The following EBNA1BP2 variants were observed in gnomAD, a reference collection of about 807,000 sequenced individuals.
EBNA1BP2 encodes the protein EBNA1 binding protein 2, also known as probable rRNA-processing protein EBP2.
In EBNA1BP2, 36 loss-of-function variants were observed where a neutral mutation model predicts 43.5. That is an observed-to-expected ratio of 0.83 (90% CI 0.63 to 1.09). EBNA1BP2 has a LOEUF of 1.09. EBNA1BP2 is among the 50% of genes least tolerant of loss of function. The pLI, the probability that EBNA1BP2 is intolerant of heterozygous loss-of-function variation, is 0.00. For synonymous variants in EBNA1BP2, 127 were observed against 141.3 expected, an observed-to-expected ratio of 0.90 and a Z score of 0.72; for missense variants, 332 against 379.1, an observed-to-expected ratio of 0.88 and a Z score of 1.03.
upstream of EBNA1BP2, chr1:43,172,306 C>G (rs1557713548): frequency 1.3e-6 from 2 of 1,551,848 alleles, no homozygotes; most frequent in Non-Finnish European, 1.7e-6. Flanking sequence ...TTGATTGGGA[C>G]TTCCGCTTCC....
At chr1:43,171,103 G>A (rs2124172461) in intron 3 of EBNA1BP2, 2 of 564,976 alleles carry the variant, frequency 3.5e-6, no homozygotes, top group Non-Finnish European at 5.5e-6. Flanking sequence ...AATAGTTTAA[G>A]AGAATGACTA....
intron 4 of EBNA1BP2, among the ~76,000 whole-genome samples, chr1:43,169,332 T>C (rs1413603480): frequency 1.3e-5 from 2 of 152,228 alleles, no homozygotes; most frequent in Non-Finnish European, 2.9e-5. Context: ...GTCAGTAGAC[T>C]GAGGCTGGAA....
In EBNA1BP2 at chr1:43,167,178, T is replaced by C. The variant is rs1644924906; in HGVS notation, c.595A>G (p.Ile199Val). The C allele has an allele frequency of 3.1e-6, 5 of 1,614,174 alleles. No homozygotes were observed. The East Asian group carries it at 1.1e-4, about 36-fold the overall frequency. The change falls in exon 6 of 9, where the codon ATT becomes GTT. Residue 199 changes from isoleucine (I) to valine (V), a missense_variant. Transcript: ENST00000236051. ...QQEKAHMMNA[I>V]KKYQKGFSDK... is the part of the protein sequence containing the mutation. ...TACCAACCTTTCTGATATTTCTTAATAGCATTCATCATATGGGCTTTCTCC... is the reference window on the plus strand; with the variant it reads ...TACCAACCTTTCTGATATTTCTTAACAGCATTCATCATATGGGCTTTCTCC...
At chr1:43,169,163 A>C in intron 4 of EBNA1BP2, 135 bp from the exon 5 acceptor site, 1 of 910,818 alleles carries the variant, frequency 1.1e-6, no homozygotes, top group Non-Finnish European at 1.7e-6. Flanking sequence ...CCAACCCCTG[A>C]GGACAATGGG....
intron 5 of EBNA1BP2, 79 bp from the exon 6 acceptor site, chr1:43,167,314 A>AGAGGG: frequency 7.4e-7 from 1 of 1,346,210 alleles, no homozygotes; most frequent in East Asian, 2.3e-5. Flanking sequence ...TAGCAACACC[A>AGAGGG]TGATTAATAC....
Position 43,169,940 on chromosome 1 carries a change from G to A in EBNA1BP2, c.447+816C>T, listed in dbSNP as rs1026825558. On this transcript the variant is annotated intron_variant, in intron 4 of 8. Transcript: ENST00000236051. ...AGGATCTAGGTTGCCTGCTCCTTATGAGAATCTAATGCCTGATGATCTGAG... is the reference window on the plus strand; with the variant it reads ...AGGATCTAGGTTGCCTGCTCCTTATAAGAATCTAATGCCTGATGATCTGAG... Among the ~76,000 whole-genome samples the A allele has an allele frequency of 6.2e-5, 9 of 144,102 alleles. No homozygotes were observed. The East Asian group carries it at 1.7e-3, about 28-fold the overall frequency. 94.5% of individuals were successfully genotyped at this position (144,102 alleles called of 152,430 possible).
chr1:43,166,735 G>T, intron 7 of EBNA1BP2, 91 bp downstream of exon 7: 1 of 1,303,248 alleles, frequency 7.7e-7, no homozygotes, highest in Non-Finnish European at 1.1e-6. Flanking sequence ...CTATGGCTGC[G>T]CCGGTGGAGG....
rs202089047 is a variant in EBNA1BP2 at position 43,170,790 on chromosome 1, G to A, written c.413C>T (p.Ala138Val). 3.3e-5 allele frequency: 53 copies of A among 1,606,294 alleles called. No homozygotes were observed. Among genetic ancestry groups the A allele is most frequent in the South Asian group, 1.7e-4 (15 of 89,486 alleles). ...VPTKRPTDYFAEMAKSDLQMQ... is the reference protein window; with the variant it reads ...VPTKRPTDYFVEMAKSDLQMQ... ...CTGCAGATCAGATTTGGCCATTTCC[G>A]CAAAATAATCAGTGGGTCGCTTCGT... Residue 138 changes from alanine (A) to valine (V), a missense_variant, in exon 4 of 9, where the codon GCG becomes GTG. Around this residue, in one of 3 missense-constraint regions of EBNA1BP2, gnomAD observed 91 missense variants for 152.1 expected, o/e 0.60. Transcript: ENST00000236051.
At position 43,171,562 on chromosome 1, in the gene EBNA1BP2, G is replaced by C. The variant is rs769434283; in HGVS notation, c.240C>G (p.Ile80Met). The change falls in exon 3 of 9, where the codon ATC becomes ATG. Residue 80 changes from isoleucine to methionine, a missense_variant. By Grantham distance (10) the Ile-to-Met change is conservative. This residue lies in a region of EBNA1BP2 where 182 missense variants were observed against 173.7 expected (regional missense o/e 1.05). Coordinates refer to ENST00000236051, the MANE Select transcript of EBNA1BP2 (RefSeq NM_006824.3). ...GAGGTGCTGGCGCCTCAGATCCACC[G>C]ATCTCCGGTACCGGACCCAGTGTCA... ...LDVTLGPVPE[I>M]GGSEAPAPQN... is the part of the protein sequence containing the mutation. The C allele has an allele frequency of 1.9e-6, 3 of 1,614,066 alleles. No individual in the cohort carries two copies. The highest frequency in any genetic ancestry group is 2.5e-6 in the Non-Finnish European group (3 of 1,180,018).
At position 43,164,815 on chromosome 1, in the gene EBNA1BP2, A is replaced by G; in HGVS notation, c.708-10T>C. Reference sequence around the variant, plus strand: ...TCGTTTAGCACTGGGCCTGGAAAAGAATGGTCCTAGACATCACTACAGCAC... The same window carrying G: ...TCGTTTAGCACTGGGCCTGGAAAAGGATGGTCCTAGACATCACTACAGCAC... On this transcript the variant is annotated splice_polypyrimidine_tract_variant and intron_variant, in intron 7 of 8. Transcript: ENST00000236051. 2 of 1,614,076 alleles carry G rather than the reference A, an allele frequency of 1.2e-6. No homozygotes were observed. Among genetic ancestry groups the G allele is most frequent in the Non-Finnish European group, 1.7e-6 (2 of 1,179,942 alleles).
rs1644903024 is a variant in EBNA1BP2, at chr1:43,164,280, AGTCTAGACTATTTAACCAAAG to A, written c.*142_*162del. Reference sequence around the variant, plus strand: ...ATGGAAAGTAACTTCTCAATCTTTTAGTCTAGACTATTTAACCAAAGGTATGTGTTCCTTTAATAATTTTTC... The same window carrying A: ...ATGGAAAGTAACTTCTCAATCTTTTAGTATGTGTTCCTTTAATAATTTTTC... On this transcript the variant is annotated 3_prime_UTR_variant, in exon 9 of 9. Transcript: ENST00000236051. The A allele has an allele frequency of 9.6e-6, 7 of 728,094 alleles. No homozygotes were observed. The South Asian group carries it at 1.4e-4, about 14-fold the overall frequency. 45.1% of individuals were successfully genotyped at this position (728,094 alleles called of 1,614,324 possible). A position where few individuals can be genotyped will look rare whatever the true frequency, so the allele number is the denominator to read the frequency against.
Position 43,171,890 on chromosome 1 carries a change from T to C in EBNA1BP2, c.146A>G (p.Asp49Gly). 1 of 1,613,950 alleles carries C rather than the reference T, an allele frequency of 6.2e-7. No homozygotes were observed. The highest frequency in any genetic ancestry group is 1.1e-5 in the South Asian group (1 of 91,070). ...VLEGPKKAVN[D>G]VNGLKQCLAE... ...CGACCCTGTGCCCACGCTCACCACG[T>C]CGTTCACGGCCTTCTTCGGCCCCTC... Residue 49 changes from aspartate to glycine, a missense_variant, in exon 2 of 9, where the codon GAC becomes GGC. By Grantham distance (94) the Asp-to-Gly change is moderately conservative. This residue lies in a region of EBNA1BP2 where 182 missense variants were observed against 173.7 expected (regional missense o/e 1.05). Transcript: ENST00000236051.
At chr1:43,171,276 C>T (rs1644965283) in intron 3 of EBNA1BP2, 2 of 614,788 alleles carry the variant, frequency 3.3e-6, no homozygotes, top group Non-Finnish European at 2.5e-6. Context: ...TTCAAATTAG[C>T]CCATAAAGTG....
chr1:43,169,510 T>G (rs1377534307), intron 4 of EBNA1BP2, among the ~76,000 whole-genome samples: 1 of 152,206 alleles, frequency 6.6e-6, no homozygotes, highest in East Asian at 1.9e-4. Context: ...GGTGAACTAC[T>G]ACCACGACAA....
Position 43,171,651 on chromosome 1 carries a change from T to A in EBNA1BP2, c.151A>T (p.Asn51Tyr), listed in dbSNP as rs369261945. The change falls in exon 3 of 9, where the codon AAT becomes TAT. Residue 51 changes from asparagine (N) to tyrosine (Y), a missense_variant and splice_region_variant. Coordinates refer to ENST00000236051, the MANE Select transcript of EBNA1BP2 (RefSeq NM_006824.3). ...TCTGCCAAACATTGCTTCAGGCCAT[T>A]CTAGGAAATCCAGACACTGAGCTCA... The part of the protein sequence containing the change: ...EGPKKAVNDV[N>Y]GLKQCLAEFK... The A allele has an allele frequency of 6.2e-7, 1 of 1,612,786 alleles. No individual in the cohort carries two copies. Among genetic ancestry groups the A allele is most frequent in the African/African-American group, 1.3e-5 (1 of 74,820 alleles).
At chr1:43,166,764 C>G in intron 7 of EBNA1BP2, 62 bp downstream of exon 7, 4 of 1,520,508 alleles carry the variant, frequency 2.6e-6, no homozygotes, top group Non-Finnish European at 1.8e-6. Context: ...CTGCCATACT[C>G]GTGACCTGTG....
At chr1:43,169,104 A>T in intron 4 of EBNA1BP2, 76 bp from the exon 5 acceptor site, 3 of 1,443,842 alleles carry the variant, frequency 2.1e-6, no homozygotes, top group Non-Finnish European at 2.9e-6. Context: ...TAGAGCAGGG[A>T]ACAGATATTC....
chr1:43,168,812 A>T, intron 5 of EBNA1BP2, 127 bp downstream of exon 5: 1 of 969,620 alleles, frequency 1.0e-6, no homozygotes, highest in South Asian at 1.4e-5. Context: ...CAGCACATAC[A>T]CTGAGAGACG....
At chr1:43,168,287 C>A (rs1644931481) in intron 5 of EBNA1BP2, among the ~76,000 whole-genome samples, 1 of 152,196 alleles carries the variant, frequency 6.6e-6, no homozygotes, top group Non-Finnish European at 1.5e-5. Context: ...GTCTTAACAC[C>A]CACACCAATC....
Sources: gnomAD v4.1 joint callset for allele counts (sites outside exome capture counted in the v4.1 genomes callset) on GRCh38, gnomAD v4.1.1 for gene constraint, gnomAD v4.1.1 regional missense constraint, MANE v1.5 for transcripts, NCBI Gene and HGNC (gene_info 2026-07-23, HGNC 2026-07-21) for gene names.